CACNB4: variants seen among roughly 807,000 people sequenced by gnomAD.
The protein encoded by CACNB4 is calcium voltage-gated channel auxiliary subunit beta 4.
In CACNB4, 32 loss-of-function variants were observed where a neutral mutation model predicts 71.2. The ratio of observed to expected loss-of-function variants is 0.45; its 90% CI spans 0.34 to 0.60. The LOEUF is 0.60. Among genes scored for constraint, CACNB4 ranks in the 20% least tolerant of loss-of-function variants. CACNB4 has a pLI of 0.01. For synonymous variants in CACNB4, 231 were observed against 236.9 expected, an observed-to-expected ratio of 0.97 and a Z score of 0.23; for missense variants, 464 against 647.9, an observed-to-expected ratio of 0.72 and a Z score of 3.08.
intron 2 of CACNB4, among the ~76,000 whole-genome samples, chr2:151,964,129 T>C (rs1439998253): frequency 1.6e-5 from 2 of 124,456 alleles, no homozygotes; most frequent in African/African-American, 3.0e-5. Flanking sequence ...GACTGAAAAA[T>C]GAAAAATAGT....
intron 2 of CACNB4, among the ~76,000 whole-genome samples, chr2:152,089,639 A>G (rs775615039): frequency 6.6e-6 from 1 of 152,178 alleles, no homozygotes; most frequent in Non-Finnish European, 1.5e-5. Flanking sequence ...TATGGCTTAA[A>G]AAGCATGCAA....
At chr2:151,957,280 G>GTGTGTGTGTGTA (rs1393066657) in intron 2 of CACNB4, among the ~76,000 whole-genome samples, 4 of 151,344 alleles carry the variant, frequency 2.6e-5, no homozygotes, top group Admixed American at 2.6e-4. Flanking sequence ...GTGTGTGTGT[G>GTGTGTGTGTGTA]TGTGTGTGTG....
At chr2:152,067,388 T>TTGG (rs1686400683) in intron 2 of CACNB4, among the ~76,000 whole-genome samples, 1 of 137,150 alleles carries the variant, frequency 7.3e-6, no homozygotes, top group East Asian at 2.4e-4. Flanking sequence ...TGTGTGTGTG[T>TTGG]GGGGGGGGGG....
intron 2 of CACNB4, among the ~76,000 whole-genome samples, chr2:152,055,039 C>G (rs891359237): frequency 1.3e-5 from 2 of 152,142 alleles, no homozygotes; most frequent in Non-Finnish European, 1.5e-5. Context: ...TAAGACAGAG[C>G]CTTGCTCTGT....
At chr2:151,881,368 G>T (rs544859633) in intron 3 of CACNB4, among the ~76,000 whole-genome samples, 1 of 152,166 alleles carries the variant, frequency 6.6e-6, no homozygotes, top group Non-Finnish European at 1.5e-5. Flanking sequence ...ATCTGAAAAC[G>T]TGTGGGATTC....
At chr2:151,980,669 G>C (rs928987733) in intron 2 of CACNB4, among the ~76,000 whole-genome samples, 16 of 152,184 alleles carry the variant, frequency 1.1e-4, no homozygotes, top group African/African-American at 3.9e-4. Context: ...ACTGGCAAAA[G>C]AGCTCACAAA....
At chr2:152,001,527 A>T (rs1388161986) in intron 2 of CACNB4, among the ~76,000 whole-genome samples, 35 of 2,134 alleles carry the variant, frequency 0.016, no homozygotes, top group Non-Finnish European at 0.059. Flanking sequence ...CATCTCTACT[A>T]AAAAAAAAAA....
At chr2:151,890,028 T>C (rs2099850342) in intron 2 of CACNB4, among the ~76,000 whole-genome samples, 1 of 152,208 alleles carries the variant, frequency 6.6e-6, no homozygotes. Context: ...TTTTTTGTTT[T>C]GTTTTGTTCT....
intron 2 of CACNB4, among the ~76,000 whole-genome samples, chr2:151,885,133 G>A (rs779094102): frequency 2.6e-5 from 4 of 152,138 alleles, no homozygotes; most frequent in Non-Finnish European, 4.4e-5. Context: ...CCTGGTTAGC[G>A]GTTTTATCAG....
At chr2:151,934,855 T>A (rs1214263608) in intron 2 of CACNB4, among the ~76,000 whole-genome samples, 1 of 152,158 alleles carries the variant, frequency 6.6e-6, no homozygotes, top group Non-Finnish European at 1.5e-5. Flanking sequence ...AAAAAATCCT[T>A]ATTTACCATT....
chr2:152,019,286 T>C (rs891673502), intron 2 of CACNB4, among the ~76,000 whole-genome samples: 2 of 152,228 alleles, frequency 1.3e-5, no homozygotes, highest in African/African-American at 4.8e-5. Context: ...ATTACCTCTA[T>C]GCCTCAGGAA....
chr2:151,961,935 T>C (rs2099869771), intron 2 of CACNB4, among the ~76,000 whole-genome samples: 1 of 152,118 alleles, frequency 6.6e-6, no homozygotes, highest in African/African-American at 2.4e-5. Context: ...CATGCTTTCA[T>C]CAACTTGTGT....
chr2:152,017,867 C>A (rs1683433890), intron 2 of CACNB4, among the ~76,000 whole-genome samples: 1 of 150,992 alleles, frequency 6.6e-6, no homozygotes, highest in Admixed American at 6.6e-5. Flanking sequence ...GAATTTCGCT[C>A]TTTTGCCCAG....
chr2:151,906,059 G>A (rs1410101448), intron 2 of CACNB4, among the ~76,000 whole-genome samples: 4 of 152,068 alleles, frequency 2.6e-5, no homozygotes, highest in East Asian at 1.9e-4. Flanking sequence ...CACACATCAC[G>A]CTATCCTCTT....
chr2:152,010,493 T>C (rs1264667546), intron 2 of CACNB4, among the ~76,000 whole-genome samples: 3 of 152,142 alleles, frequency 2.0e-5, no homozygotes, highest in Non-Finnish European at 4.4e-5. Flanking sequence ...ACTAGGGCAA[T>C]GGGAAGGCAA....
intron 2 of CACNB4, among the ~76,000 whole-genome samples, chr2:151,935,127 C>G (rs1007720654): frequency 2.0e-5 from 3 of 152,196 alleles, no homozygotes; most frequent in African/African-American, 7.2e-5. Flanking sequence ...AGGTAGAACT[C>G]TTAGAACCAT....
Position 151,883,573 on chromosome 2 carries a change from A to G in CACNB4, c.148-203T>C, listed in dbSNP as rs984815412. ...GAAAGTAGCAATGTTGTGAAGAAAA[A>G]TATTTTGACTAGATTAAGTGCTAGG... On this transcript the variant is annotated intron_variant, in intron 2 of 13. Coordinates refer to ENST00000539935, the MANE Select transcript of CACNB4 (RefSeq NM_000726.5). 15 of 579,724 alleles carry G rather than the reference A, an allele frequency of 2.6e-5. No homozygotes were observed. The African/African-American group carries it at 2.6e-4, about 10-fold the overall frequency. The allele number at this position is 579,724 out of a possible 1,614,324, so 35.9% of individuals were successfully genotyped here.
In CACNB4 at chr2:152,098,537, A is replaced by T; in HGVS notation, c.64-124T>A. On this transcript the variant is annotated intron_variant, in intron 1 of 13. Transcript: ENST00000539935. This position sits in a 1 kb window ranked among gnomAD's most constrained non-coding sequence, Gnocchi z 5.3. ...CTGGGGTCCCCTAGAGCCCGCACCC[A>T]AGTCTCCTCCGCGACTCCCAAATAC... is the stretch of plus-strand genomic sequence containing the variant. 1 of 1,363,358 alleles carries T rather than the reference A, an allele frequency of 7.3e-7. No individual in the cohort carries two copies. Among genetic ancestry groups the T allele is most frequent in the Non-Finnish European group, 1.0e-6 (1 of 965,606 alleles). 84.5% of individuals were successfully genotyped at this position (1,363,358 alleles called of 1,614,324 possible). A position where few individuals can be genotyped will look rare whatever the true frequency, so the allele number is the denominator to read the frequency against.
chr2:152,096,400 C>T (rs1368536108), intron 2 of CACNB4, among the ~76,000 whole-genome samples: 1 of 152,098 alleles, frequency 6.6e-6, no homozygotes, highest in South Asian at 2.1e-4. Flanking sequence ...AGGAGAATGG[C>T]GTGAACCCAG....
Sources: allele counts gnomAD v4.1 joint callset (sites outside exome capture counted in the v4.1 genomes callset), GRCh38; gene constraint gnomAD v4.1.1; non-coding constraint Gnocchi (gnomAD v3.1); transcripts MANE v1.5; gene names NCBI Gene and HGNC (gene_info 2026-07-23, HGNC 2026-07-21).